WIPF3: variants seen among roughly 807,000 people sequenced by gnomAD.
WIPF3 encodes the protein WAS/WASL interacting protein family member 3.
WIPF3 carries 33 observed loss-of-function variants against 38.9 expected under a neutral mutation model. The observed-to-expected ratio is 0.85, with a 90% CI of 0.64 to 1.14. WIPF3 has a LOEUF of 1.14. Ranked by LOEUF, WIPF3 falls within the 50% of genes most tolerant of loss-of-function variation. The pLI is 0.00. For synonymous variants in WIPF3, 324 were observed against 269.3 expected, an observed-to-expected ratio of 1.20 and a Z score of -1.99; for missense variants, 711 against 652.5, an observed-to-expected ratio of 1.09 and a Z score of -0.98.
intron 2 of WIPF3, among the ~76,000 whole-genome samples, chr7:29,871,485 G>T (rs6954382): frequency 0.024 from 3,649 of 152,276 alleles, 141 homozygotes; most frequent in African/African-American, 0.082. Context: ...ATAGGGTTTG[G>T]ACCCTTGTTG....
At chr7:29,842,594 TA>T (rs1456581121) in intron 2 of WIPF3, among the ~76,000 whole-genome samples, 1 of 152,218 alleles carries the variant, frequency 6.6e-6, no homozygotes, top group Admixed American at 6.5e-5. Flanking sequence ...GTAGGAAATA[TA>T]AGCTGTGACA....
chr7:29,904,585 C>T (rs1441342066), intron 8 of WIPF3: 4 of 500,554 alleles, frequency 8.0e-6, no homozygotes, highest in Non-Finnish European at 1.1e-5. Flanking sequence ...ATCACCACTA[C>T]ATATAGAAGC....
intron 1 of WIPF3, among the ~76,000 whole-genome samples, chr7:29,816,705 T>C (rs139382395): frequency 9.8e-4 from 149 of 152,296 alleles, no homozygotes; most frequent in Non-Finnish European, 1.7e-3. Context: ...GGTTCATACA[T>C]ACAGGGCTGC....
intron 6 of WIPF3, 88 bp downstream of exon 6, chr7:29,888,305 G>C: frequency 6.7e-7 from 1 of 1,485,632 alleles, no homozygotes; most frequent in Non-Finnish European, 9.0e-7. Context: ...TGGCCACAGT[G>C]CTGCCATCTC....
Position 29,888,073 on chromosome 7 carries a change from G to A in WIPF3, c.1105G>A (p.Gly369Ser), listed in dbSNP as rs61750795. The change falls in exon 6 of 9, where the codon GGT becomes AGT. Residue 369 changes from glycine (G) to serine (S), a missense_variant. Gly to Ser is a moderately conservative substitution (Grantham distance 56). Transcript: ENST00000242140. ...ACCATCATCTTCTCTGTAAGGGGCC[G>A]GTGGGGGAAAGCTAAATCCACCTCC... Reference protein sequence around the residue: ...QKKRHGRPGAGGGKLNPPPAP... With the variant: ...QKKRHGRPGASGGKLNPPPAP... The A allele has an allele frequency of 0.01, 16,811 of 1,613,904 alleles. 115 individuals carry two copies. The highest frequency in any genetic ancestry group is 0.013 in the Non-Finnish European group (15,091 of 1,179,846).
chr7:29,818,079 G>C lies in WIPF3; in HGVS notation c.-58+11401G>C, dbSNP rs76737138. Among the ~76,000 whole-genome samples, 1,519 of 152,230 alleles carry C rather than the reference G, an allele frequency of 1.0e-2. 37 individuals are homozygous for C. Among genetic ancestry groups the C allele is most frequent in the East Asian group, 0.084 (438 of 5,186 alleles). On this transcript the variant is annotated intron_variant, in intron 1 of 8. Transcript: ENST00000242140. ...TATTTCTTCACAGTACTTTCTGGCA[G>C]TTATTGTTTATATACAGGGATACTT...
In WIPF3 at chr7:29,860,020, T is replaced by C. The variant is rs371002324; in HGVS notation, c.91-15810T>C. Reference sequence around the variant, plus strand: ...GAGAACTAGGCATGTGTGGTTGGCATCTGTAGTGTGTGGGTGGGTAGAAAC... The same window carrying C: ...GAGAACTAGGCATGTGTGGTTGGCACCTGTAGTGTGTGGGTGGGTAGAAAC... On this transcript the variant is annotated intron_variant, in intron 2 of 8. Transcript: ENST00000242140. Among the ~76,000 whole-genome samples the C allele has an allele frequency of 2.6e-5, 4 of 152,112 alleles. No homozygotes were observed. The East Asian group carries it at 5.8e-4, about 22-fold the overall frequency.
chr7:29,841,233 G>C (rs181735038), intron 2 of WIPF3, among the ~76,000 whole-genome samples: 3 of 152,332 alleles, frequency 2.0e-5, no homozygotes, highest in Non-Finnish European at 4.4e-5. Context: ...CTTCACACCG[G>C]CTCTGGAAGA....
intron 7 of WIPF3, among the ~76,000 whole-genome samples, chr7:29,890,743 C>T (rs1321073018): frequency 7.4e-6 from 1 of 134,520 alleles, no homozygotes; most frequent in East Asian, 2.3e-4. Flanking sequence ...GGGCCCTGTG[C>T]TCAGGTGGAG....
chr7:29,875,384 G>T (rs1785567998), intron 2 of WIPF3, among the ~76,000 whole-genome samples: 1 of 152,126 alleles, frequency 6.6e-6, no homozygotes, highest in Admixed American at 6.5e-5. Flanking sequence ...CAGTCCAGGG[G>T]ATGACAGGGC....
Position 29,889,338 on chromosome 7 carries a change from GTGGAAGA to G in WIPF3, c.1283_1289del (p.Val428AlafsTer50), listed in dbSNP as rs1562787503. 6.2e-7 allele frequency: 1 copy of G among 1,613,904 alleles called. No individual in the cohort carries two copies. The highest frequency in any genetic ancestry group is 8.5e-7 in the Non-Finnish European group (1 of 1,179,864). On this transcript the variant is annotated frameshift_variant, in exon 7 of 9. Transcript: ENST00000242140. LOFTEE classifies it high-confidence loss of function. Reference sequence around the variant, plus strand: ...CGAGTCTAAATTCACGTTCCATTCTGTGGAAGACTTTCCCCCTCCGGATGAATATAAA... The same window carrying G: ...CGAGTCTAAATTCACGTTCCATTCTGCTTTCCCCCTCCGGATGAATATAAA...
chr7:29,817,020 A>G (rs575595528), intron 1 of WIPF3, among the ~76,000 whole-genome samples: 4 of 152,274 alleles, frequency 2.6e-5, no homozygotes, highest in East Asian at 1.9e-4. Context: ...CAACACATAC[A>G]TATCAAACTT....
chr7:29,846,537 C>T (rs192834856), intron 2 of WIPF3, among the ~76,000 whole-genome samples: 29 of 152,342 alleles, frequency 1.9e-4, no homozygotes, highest in Admixed American at 7.8e-4. Flanking sequence ...CCGATCTCTA[C>T]TAAAAATACG....
At chr7:29,891,718 C>T (rs908855967) in intron 7 of WIPF3, among the ~76,000 whole-genome samples, 2 of 152,192 alleles carry the variant, frequency 1.3e-5, no homozygotes, top group African/African-American at 4.8e-5. Flanking sequence ...GAAACAAGCT[C>T]TCCTCCACCA....
At chr7:29,866,651 G>A (rs1032289795) in intron 2 of WIPF3, among the ~76,000 whole-genome samples, 6 of 152,242 alleles carry the variant, frequency 3.9e-5, no homozygotes, top group African/African-American at 1.4e-4. Context: ...TGTCCTTTCT[G>A]GCTCTGGCAA....
rs557001646 is a variant in WIPF3 at position 29,846,594 on chromosome 7, G to C, written c.90+11780G>C. On this transcript the variant is annotated intron_variant, in intron 2 of 8. Coordinates refer to ENST00000242140, the MANE Select transcript of WIPF3 (RefSeq NM_001080529.3). ...CGTGCGCCTGTAATCCCAGCTACTC[G>C]GGAGGCTGAGGCAGGAGAATCGCTT... Among the ~76,000 whole-genome samples the C allele has an allele frequency of 2.5e-4, 37 of 150,396 alleles. No individual in the cohort carries two copies. In the East Asian group the frequency reaches 5.6e-3, roughly 23 times the overall value.
chr7:29,857,901 T>A (rs1785212112), intron 2 of WIPF3, among the ~76,000 whole-genome samples: 1 of 152,192 alleles, frequency 6.6e-6, no homozygotes, highest in African/African-American at 2.4e-5. Flanking sequence ...TTACATTCTG[T>A]ATTTTTTAAA....
chr7:29,870,122 A>T (rs1436689019), intron 2 of WIPF3, among the ~76,000 whole-genome samples: 1 of 152,138 alleles, frequency 6.6e-6, no homozygotes, highest in Non-Finnish European at 1.5e-5. Context: ...GACAGCCAAG[A>T]GGCAAGTGTA....
chr7:29,842,957 G>A (rs1478449965), intron 2 of WIPF3, among the ~76,000 whole-genome samples: 4 of 152,230 alleles, frequency 2.6e-5, no homozygotes, highest in African/African-American at 9.6e-5. Context: ...ATGAGGGACT[G>A]GGGACGCTTA....
Sources: allele counts gnomAD v4.1 joint callset (sites outside exome capture counted in the v4.1 genomes callset), GRCh38; gene constraint gnomAD v4.1.1; transcripts MANE v1.5; gene names NCBI Gene and HGNC (gene_info 2026-07-23, HGNC 2026-07-21).